Variants in TRHR observed in about 807,000 individuals in gnomAD.
TRHR encodes thyrotropin releasing hormone receptor.
A neutral mutation model predicts 28.0 loss-of-function variants in TRHR; 14 were observed. That is an observed-to-expected ratio of 0.50 (90% CI 0.33 to 0.78). TRHR has a LOEUF of 0.78. Among genes scored for constraint, TRHR ranks in the 30% least tolerant of loss-of-function variants. TRHR has a pLI of 0.02. For missense variants in TRHR, 438 were observed against 469.5 expected (o/e 0.93, Z 0.62); for synonymous variants, 176 against 171.9 (o/e 1.02, Z -0.18).
chr8:109,113,327 G>A (rs1811867897), intron 2 of TRHR, among the ~76,000 whole-genome samples: 1 of 152,090 alleles, frequency 6.6e-6, no homozygotes. Flanking sequence ...TGTCACTCCT[G>A]TGGCCTCCCT....
chr8:109,105,459 T>G (rs1235080420), intron 2 of TRHR, among the ~76,000 whole-genome samples: 1 of 152,180 alleles, frequency 6.6e-6, no homozygotes, highest in Non-Finnish European at 1.5e-5. Context: ...CTTGCACATC[T>G]CTGAATCCCG....
Position 109,087,647 on chromosome 8 carries a change from G to A in TRHR, c.135G>A (p.Met45Ile). 2 of 1,614,084 alleles carry A rather than the reference G, an allele frequency of 1.2e-6. No homozygotes were observed. The highest frequency in any genetic ancestry group is 1.7e-6 in the Non-Finnish European group (2 of 1,180,030). Residue 45 changes from methionine to isoleucine, a missense_variant, in exon 2 of 3, where the codon ATG becomes ATA. Transcript: ENST00000518632. ...ICGLGIVGNI[M>I]VVLVVMRTKH... ...GCCTGGGCATTGTAGGCAACATCAT[G>A]GTAGTCCTGGTTGTCATGAGAACCA...
chr8:109,108,457 T>C (rs1811784080), intron 2 of TRHR, among the ~76,000 whole-genome samples: 1 of 152,112 alleles, frequency 6.6e-6, no homozygotes, highest in Non-Finnish European at 1.5e-5. Flanking sequence ...ATCAATGTCT[T>C]CAGAGAAGTG....
intron 2 of TRHR, among the ~76,000 whole-genome samples, chr8:109,091,199 T>G (rs1230855111): frequency 6.6e-6 from 1 of 152,060 alleles, no homozygotes; most frequent in African/African-American, 2.4e-5. Context: ...TCAGGAGAAT[T>G]TAAAGTAAAG....
At chr8:109,088,751 T>C (rs1346874741) in intron 2 of TRHR, among the ~76,000 whole-genome samples, 1 of 152,238 alleles carries the variant, frequency 6.6e-6, no homozygotes, top group Non-Finnish European at 1.5e-5. Flanking sequence ...AATGAAACTT[T>C]CTTTGCCATT....
Position 109,088,758 on chromosome 8 carries a change from C to T in TRHR, c.789+457C>T, listed in dbSNP as rs559929699. Reference sequence around the variant, plus strand: ...TAAAAATAAATGAAACTTTCTTTGCCATTCTATGGTTACTCACAATGGAGA... The same window carrying T: ...TAAAAATAAATGAAACTTTCTTTGCTATTCTATGGTTACTCACAATGGAGA... On this transcript the variant is annotated intron_variant, in intron 2 of 2. Coordinates refer to ENST00000518632, the MANE Select transcript of TRHR (RefSeq NM_003301.7). 3.3e-5 allele frequency among the ~76,000 whole-genome samples: 5 copies of T among 152,218 alleles called. No individual in the cohort carries two copies. The East Asian group carries it at 7.7e-4, about 23-fold the overall frequency.
At chr8:109,117,581 G>T (rs1046914859) in intron 2 of TRHR, among the ~76,000 whole-genome samples, 5 of 151,798 alleles carry the variant, frequency 3.3e-5, no homozygotes, top group African/African-American at 1.2e-4. Context: ...TCTGATTTCA[G>T]AGTGCCTGGA....
rs543826590 is a variant in TRHR, at chr8:109,113,393, T to G, written c.790-5655T>G. Among the ~76,000 whole-genome samples the G allele has an allele frequency of 2.6e-5, 4 of 152,186 alleles. No homozygotes were observed. The South Asian group carries it at 8.3e-4, about 32-fold the overall frequency. ...GAGAAAAACATCAGCTAACCTCAAC[T>G]TAAAGTGCATTCTATACAATACCTG... On this transcript the variant is annotated intron_variant, in intron 2 of 2. Transcript: ENST00000518632.
chr8:109,095,152 C>T (rs1472181122), intron 2 of TRHR, among the ~76,000 whole-genome samples: 1 of 152,106 alleles, frequency 6.6e-6, no homozygotes, highest in Non-Finnish European at 1.5e-5. Context: ...AAGCCCCTAG[C>T]ACTATCCTAG....
chr8:109,106,048 A>G (rs754134475), intron 2 of TRHR, among the ~76,000 whole-genome samples: 1 of 152,188 alleles, frequency 6.6e-6, no homozygotes, highest in African/African-American at 2.4e-5. Flanking sequence ...TGCATTCCAC[A>G]AAATTGCCAA....
intron 2 of TRHR, among the ~76,000 whole-genome samples, chr8:109,108,777 G>A (rs987464371): frequency 5.9e-5 from 9 of 152,214 alleles, no homozygotes; most frequent in African/African-American, 1.9e-4. Flanking sequence ...AGATGTTACT[G>A]TAATTTGAAT....
intron 2 of TRHR, among the ~76,000 whole-genome samples, chr8:109,106,132 C>A (rs1563625098): frequency 6.6e-6 from 1 of 152,072 alleles, no homozygotes; most frequent in African/African-American, 2.4e-5. Flanking sequence ...CATTTTAACT[C>A]CTTATCTCCT....
At position 109,092,890 on chromosome 8, in the gene TRHR, A is replaced by G. The variant is rs192651846; in HGVS notation, c.789+4589A>G. Among the ~76,000 whole-genome samples, 469 of 152,026 alleles carry G rather than the reference A, an allele frequency of 3.1e-3. 1 individual carries two copies. Among genetic ancestry groups the G allele is most frequent in the Non-Finnish European group, 4.8e-3 (325 of 67,972 alleles). On this transcript the variant is annotated intron_variant, in intron 2 of 2. Coordinates refer to ENST00000518632, the MANE Select transcript of TRHR (RefSeq NM_003301.7). Reference sequence around the variant, plus strand: ...TACCTCCTGACCCCACCTCTCAAAGACCAAAATCATCATCATTTTGTTATA... The same window carrying G: ...TACCTCCTGACCCCACCTCTCAAAGGCCAAAATCATCATCATTTTGTTATA...
In TRHR at chr8:109,087,464, A is replaced by G; in HGVS notation, c.-49A>G. 2 of 1,607,298 alleles carry G rather than the reference A, an allele frequency of 1.2e-6. No individual in the cohort carries two copies. The highest frequency in any genetic ancestry group is 1.7e-6 in the Non-Finnish European group (2 of 1,175,288). On this transcript the variant is annotated 5_prime_UTR_variant, in exon 2 of 3. Coordinates refer to ENST00000518632, the MANE Select transcript of TRHR (RefSeq NM_003301.7). ...TGCAATAAAGGTGGGCGCTGGAAAG[A>G]AGATGTTTTGAGAAGTCAGTGTTTC... is the stretch of plus-strand genomic sequence containing the variant.
intron 2 of TRHR, among the ~76,000 whole-genome samples, chr8:109,093,354 G>A (rs56668107): frequency 0.1 from 14,597 of 146,510 alleles, 792 homozygotes; most frequent in South Asian, 0.12. Flanking sequence ...TGTGTCTTCC[G>A]TCTTCTCCCC....
At chr8:109,097,532 C>G (rs917118350) in intron 2 of TRHR, among the ~76,000 whole-genome samples, 1 of 152,094 alleles carries the variant, frequency 6.6e-6, no homozygotes, top group African/African-American at 2.4e-5. Flanking sequence ...TATGAAAGAT[C>G]TACGTTAAAA....
intron 2 of TRHR, among the ~76,000 whole-genome samples, chr8:109,106,940 C>T (rs1404541488): frequency 6.6e-6 from 1 of 152,012 alleles, no homozygotes; most frequent in Non-Finnish European, 1.5e-5. Context: ...CATAAGTAAG[C>T]CAATGAAGGA....
intron 2 of TRHR, among the ~76,000 whole-genome samples, chr8:109,109,598 A>G (rs1811799617): frequency 1.3e-5 from 2 of 152,016 alleles, no homozygotes; most frequent in Admixed American, 1.3e-4. Context: ...AGTTTTTTCC[A>G]TTCTAGATTA....
In TRHR at chr8:109,097,797, C is replaced by A. The variant is rs1033417512; in HGVS notation, c.789+9496C>A. On this transcript the variant is annotated intron_variant, in intron 2 of 2. Transcript: ENST00000518632. ...TTTCTCTTCAAGCTATTGAGCAATG[C>A]CAGAGAATATCACATTCTACAGACA... Among the ~76,000 whole-genome samples, 41 of 152,164 alleles carry A rather than the reference C, an allele frequency of 2.7e-4. 1 individual carries two copies. The highest frequency in any genetic ancestry group is 1.0e-4 in the Non-Finnish European group (7 of 68,046).
Sources: gnomAD v4.1 joint callset for allele counts (sites outside exome capture counted in the v4.1 genomes callset) on GRCh38, gnomAD v4.1.1 for gene constraint, MANE v1.5 for transcripts, NCBI Gene and HGNC (gene_info 2026-07-23, HGNC 2026-07-21) for gene names.